Variants in UEVLD observed in about 807,000 individuals in gnomAD.
UEVLD encodes UEV and lactate/malate dehyrogenase domains.
Under a neutral mutation model 58.6 loss-of-function variants are expected in UEVLD, and 47 were observed. That is an observed-to-expected ratio of 0.80 (90% CI 0.63 to 1.02). The LOEUF is 1.02. UEVLD is among the 50% of genes least tolerant of loss of function. The pLI is 0.00. For missense variants in UEVLD, 510 were observed against 550.6 expected (o/e 0.93, Z 0.74); for synonymous variants, 197 against 195.3 (o/e 1.01, Z -0.07).
chr11:18,537,202 G>C (rs1259219281), intron 9 of UEVLD, among the ~76,000 whole-genome samples: 5 of 150,458 alleles, frequency 3.3e-5, no homozygotes, highest in Non-Finnish European at 7.4e-5. Context: ...CCCAGCACCA[G>C]GGTCCTGTTT....
intron 11 of UEVLD, 128 bp from the exon 12 acceptor site, chr11:18,532,615 G>A: frequency 1.5e-6 from 1 of 669,112 alleles, no homozygotes. Flanking sequence ...AAATTTTTTT[G>A]TTCATTTACT....
At chr11:18,545,797 G>C (rs796809642) in intron 8 of UEVLD, among the ~76,000 whole-genome samples, 2 of 152,080 alleles carry the variant, frequency 1.3e-5, no homozygotes, top group South Asian at 4.2e-4. Flanking sequence ...ATAATTCCTA[G>C]AACAGTTAAG....
At chr11:18,555,262 T>C (rs540290242) in intron 7 of UEVLD, among the ~76,000 whole-genome samples, 1 of 151,992 alleles carries the variant, frequency 6.6e-6, no homozygotes, top group Admixed American at 6.6e-5. Context: ...CCATCTCTAC[T>C]AAAAATACAA....
chr11:18,536,297 A>G (rs1347709357), intron 10 of UEVLD, 109 bp downstream of exon 10: 3 of 993,540 alleles, frequency 3.0e-6, no homozygotes, highest in Admixed American at 3.9e-5. Flanking sequence ...GTTTGTCCAT[A>G]TTAGTTTTGT....
intron 6 of UEVLD, among the ~76,000 whole-genome samples, chr11:18,560,260 T>C (rs1851975909): frequency 6.6e-6 from 1 of 152,152 alleles, no homozygotes; most frequent in South Asian, 2.1e-4. Context: ...AGGGCTTGCA[T>C]ATAGTAATCC....
At chr11:18,571,391 T>C (rs1852603788) in intron 3 of UEVLD, among the ~76,000 whole-genome samples, 1 of 152,106 alleles carries the variant, frequency 6.6e-6, no homozygotes, top group Admixed American at 6.6e-5. Flanking sequence ...GGTATTCCCC[T>C]GGTTGATCAA....
intron 9 of UEVLD, among the ~76,000 whole-genome samples, chr11:18,539,360 C>T (rs1256314882): frequency 4.0e-5 from 6 of 151,862 alleles, no homozygotes; most frequent in Admixed American, 3.9e-4. Context: ...AGCCACTGCA[C>T]CCAGCCAAAA....
intron 1 of UEVLD, chr11:18,579,427 C>T: frequency 2.0e-6 from 2 of 985,218 alleles, no homozygotes; most frequent in Non-Finnish European, 2.4e-6. Flanking sequence ...CCTCCAAATA[C>T]CTCCAGACAG....
At position 18,575,432 on chromosome 11, in the gene UEVLD, G is replaced by T. The variant is rs1010000720; in HGVS notation, c.128-20C>A. On this transcript the variant is annotated intron_variant, in intron 2 of 11. Transcript: ENST00000396197. ...TAAAAACTAGAAGAAAAAAAAAAAA[G>T]CCCCAAAATGTGCAATCAGAAACAG... 5.4e-6 allele frequency: 8 copies of T among 1,488,082 alleles called. No homozygotes were observed. The highest frequency in any genetic ancestry group is 6.4e-6 in the Non-Finnish European group (7 of 1,093,008). 92.2% of individuals were successfully genotyped at this position (1,488,082 alleles called of 1,614,324 possible).
chr11:18,572,392 T>C (rs1043284540), intron 3 of UEVLD, among the ~76,000 whole-genome samples: 3 of 152,212 alleles, frequency 2.0e-5, no homozygotes, highest in African/African-American at 7.2e-5. Flanking sequence ...AGAAGTTCCA[T>C]GCAGATGGGA....
intron 7 of UEVLD, among the ~76,000 whole-genome samples, chr11:18,554,743 A>G (rs1462152988): frequency 5.3e-5 from 8 of 152,098 alleles, no homozygotes; most frequent in Non-Finnish European, 1.0e-4. Context: ...GTATATACAC[A>G]AGCATAAGTG....
chr11:18,542,890 C>CTTTTTCTTTTTTT (rs1554975747), intron 9 of UEVLD, among the ~76,000 whole-genome samples: 7 of 125,900 alleles, frequency 5.6e-5, no homozygotes, highest in African/African-American at 2.0e-4. Context: ...CTTTTCTTTT[C>CTTTTTCTTTTTTT]TTTTTTTTTT....
At chr11:18,560,514 A>G (rs1276889115) in intron 6 of UEVLD, among the ~76,000 whole-genome samples, 4 of 152,238 alleles carry the variant, frequency 2.6e-5, no homozygotes, top group African/African-American at 7.2e-5. Flanking sequence ...CCATCAATTC[A>G]TTTATAGAAA....
intron 10 of UEVLD, 79 bp from the exon 11 acceptor site, chr11:18,534,532 T>G (rs546198856): frequency 7.0e-7 from 1 of 1,430,928 alleles, no homozygotes; most frequent in Non-Finnish European, 9.3e-7. Context: ...AAGGTATTAA[T>G]TAGATGTTTC....
At chr11:18,537,322 A>G (rs1850845428) in intron 9 of UEVLD, among the ~76,000 whole-genome samples, 1 of 30,372 alleles carries the variant, frequency 3.3e-5, no homozygotes, top group African/African-American at 5.1e-5. Flanking sequence ...ATATATATAT[A>G]TATTTTTTTT....
At chr11:18,555,477 A>G (rs766450787) in intron 7 of UEVLD, among the ~76,000 whole-genome samples, 8 of 151,860 alleles carry the variant, frequency 5.3e-5, no homozygotes, top group Admixed American at 3.9e-4. Flanking sequence ...GGTCCCAGCT[A>G]CTTGGGAGGC....
At chr11:18,541,240 T>C in intron 9 of UEVLD, among the ~76,000 whole-genome samples, 1 of 152,216 alleles carries the variant, frequency 6.6e-6, no homozygotes, top group South Asian at 2.1e-4. Context: ...GAGAGGCTGG[T>C]TAAGTAAATT....
At chr11:18,535,329 C>CT (rs1244313788) in intron 10 of UEVLD, among the ~76,000 whole-genome samples, 1 of 151,970 alleles carries the variant, frequency 6.6e-6, no homozygotes, top group Non-Finnish European at 1.5e-5. Flanking sequence ...TTAGCTTTTT[C>CT]TTTTAATATT....
intron 7 of UEVLD, 77 bp downstream of exon 7, chr11:18,558,151 G>A: frequency 2.0e-6 from 2 of 1,013,194 alleles, no homozygotes; most frequent in South Asian, 1.9e-5. Flanking sequence ...TCTTTAAGGT[G>A]CTTTTCAGCA....
Sources: gnomAD v4.1 joint callset for allele counts (sites outside exome capture counted in the v4.1 genomes callset) on GRCh38, gnomAD v4.1.1 for gene constraint, MANE v1.5 for transcripts, NCBI Gene and HGNC (gene_info 2026-07-23, HGNC 2026-07-21) for gene names.